Variants in FBXL20 observed in about 807,000 individuals in gnomAD.
The protein encoded by FBXL20 is F-box and leucine rich repeat protein 20.
Under a neutral mutation model 64.0 loss-of-function variants are expected in FBXL20, and 11 were observed. That is an observed-to-expected ratio of 0.17 (90% CI 0.11 to 0.28). The LOEUF (loss-of-function observed/expected upper bound fraction) is 0.28. Ranked by LOEUF, FBXL20 falls within the 10% of genes least tolerant of loss-of-function variation. FBXL20 has a pLI of 1.00. For synonymous variants in FBXL20, 184 were observed against 189.0 expected (o/e 0.97, Z 0.22); for missense variants, 303 against 526.2 (o/e 0.58, Z 4.15).
At chr17:39,280,903 A>G (rs1400438242) in intron 9 of FBXL20, among the ~76,000 whole-genome samples, 1 of 152,088 alleles carries the variant, frequency 6.6e-6, no homozygotes, top group African/African-American at 2.4e-5. Context: ...AGCTGGGACT[A>G]CAGGCACACA....
intron 2 of FBXL20, 27 bp downstream of exon 2, chr17:39,343,153 A>G: frequency 6.4e-7 from 1 of 1,552,586 alleles, no homozygotes; most frequent in Non-Finnish European, 8.7e-7. Flanking sequence ...ACATAAAAAA[A>G]CCCATAAAAT....
intron 4 of FBXL20, among the ~76,000 whole-genome samples, chr17:39,300,060 G>A (rs917050243): frequency 2.6e-5 from 4 of 152,202 alleles, no homozygotes; most frequent in African/African-American, 9.6e-5. Context: ...CCGCACCACT[G>A]CACTCCAGCC....
In FBXL20 at chr17:39,303,196, C is replaced by A. The variant is rs138111701; in HGVS notation, c.159+389G>T. Among the ~76,000 whole-genome samples, 781 of 151,700 alleles carry A rather than the reference C, an allele frequency of 5.1e-3. 1 individual carries two copies. Among genetic ancestry groups the A allele is most frequent in the Non-Finnish European group, 7.7e-3 (523 of 67,924 alleles). On this transcript the variant is annotated intron_variant, in intron 3 of 14. Transcript: ENST00000264658. Reference sequence around the variant, plus strand: ...AAATGCAGTTTCAATCCATAGATAGCCAGCAGTGGATGTTACTACAGGAAA... The same window carrying A: ...AAATGCAGTTTCAATCCATAGATAGACAGCAGTGGATGTTACTACAGGAAA...
At chr17:39,318,068 G>T (rs953723644) in intron 2 of FBXL20, among the ~76,000 whole-genome samples, 2 of 152,152 alleles carry the variant, frequency 1.3e-5, no homozygotes, top group Non-Finnish European at 2.9e-5. Flanking sequence ...CATATTTGAA[G>T]AATGTAAAAT....
chr17:39,387,015 A>C (rs1409557693), intron 1 of FBXL20, among the ~76,000 whole-genome samples: 1 of 152,232 alleles, frequency 6.6e-6, no homozygotes, highest in Non-Finnish European at 1.5e-5. Flanking sequence ...TCCCTGACTT[A>C]CGATGGTTTA....
chr17:39,265,153 G>T (rs376980393), intron 13 of FBXL20, among the ~76,000 whole-genome samples: 77 of 152,324 alleles, frequency 5.1e-4, no homozygotes, highest in African/African-American at 1.8e-3. Context: ...CTACAAAAGA[G>T]AACTCATATG....
chr17:39,358,420 T>C (rs903942348), intron 1 of FBXL20, among the ~76,000 whole-genome samples: 1 of 152,218 alleles, frequency 6.6e-6, no homozygotes. Context: ...CAGTGGCTCA[T>C]GCCTGTAATC....
Position 39,324,320 on chromosome 17 carries a change from A to G in FBXL20, c.104+18860T>C, listed in dbSNP as rs77014370. Among the ~76,000 whole-genome samples the G allele has an allele frequency of 1.3e-5, 2 of 148,534 alleles. 1 individual carries two copies. The highest frequency in any genetic ancestry group is 5.2e-5 in the African/African-American group (2 of 38,406). On this transcript the variant is annotated intron_variant, in intron 2 of 14. Coordinates refer to ENST00000264658, the MANE Select transcript of FBXL20 (RefSeq NM_032875.3). Reference sequence around the variant, plus strand: ...TCTTTTTTTTTTAGACAAGAGTCTCACACTGTCACCTAGGCTGGAGTGCAG... The same window carrying G: ...TCTTTTTTTTTTAGACAAGAGTCTCGCACTGTCACCTAGGCTGGAGTGCAG...
chr17:39,316,321 T>C (rs1567876677), intron 2 of FBXL20, among the ~76,000 whole-genome samples: 2 of 152,050 alleles, frequency 1.3e-5, no homozygotes, highest in Non-Finnish European at 2.9e-5. Context: ...ACACATTTTT[T>C]TCTTTCCCCC....
intron 1 of FBXL20, among the ~76,000 whole-genome samples, chr17:39,360,601 C>A (rs890641535): frequency 2.0e-5 from 3 of 152,234 alleles, no homozygotes; most frequent in South Asian, 2.1e-4. Flanking sequence ...CAGAGTGAGG[C>A]ATGATGAATA....
At chr17:39,386,548 C>G (rs755651617) in intron 1 of FBXL20, among the ~76,000 whole-genome samples, 1 of 150,064 alleles carries the variant, frequency 6.7e-6, no homozygotes, top group Non-Finnish European at 1.5e-5. Context: ...CGCTTGAACC[C>G]GGGAGGCGGA....
rs561800710 is a variant in FBXL20 at position 39,257,094 on chromosome 17, C to T, written c.*4366G>A. On this transcript the variant is annotated 3_prime_UTR_variant, in exon 15 of 15. Coordinates refer to ENST00000264658, the MANE Select transcript of FBXL20 (RefSeq NM_032875.3). ...CCACCTCCCGGGTTCAAGCAATTCT[C>T]TGCCTCAGCCTCCCGAGTAGCTGGG... 6.6e-6 allele frequency: 1 copy of T among 152,230 alleles called. No homozygotes were observed. Among genetic ancestry groups the T allele is most frequent in the Admixed American group, 6.5e-5 (1 of 15,270 alleles). 9.4% of individuals were successfully genotyped at this position (152,230 alleles called of 1,614,324 possible).
intron 2 of FBXL20, among the ~76,000 whole-genome samples, chr17:39,318,377 G>T (rs76327235): frequency 1.3e-3 from 197 of 152,206 alleles, no homozygotes; most frequent in Non-Finnish European, 2.4e-3. Context: ...CCAAGTCCTT[G>T]GAAAGCCCTT....
chr17:39,288,476 CT>C (rs569061989), intron 6 of FBXL20, among the ~76,000 whole-genome samples: 78 of 152,070 alleles, frequency 5.1e-4, no homozygotes, highest in Non-Finnish European at 8.2e-4. Flanking sequence ...CATTTTCTTT[CT>C]TTTCTATCTT....
chr17:39,321,780 C>CAA lies in FBXL20; in HGVS notation c.105-18143_105-18142dup, dbSNP rs540775014. On this transcript the variant is annotated intron_variant, in intron 2 of 14. Coordinates refer to ENST00000264658, the MANE Select transcript of FBXL20 (RefSeq NM_032875.3). ...GGGCAACAAGAGTGAAATTCTGTCTCAAAAAAAAAAAAAAAAACAAAAATA... is the reference window on the plus strand; with the variant it reads ...GGGCAACAAGAGTGAAATTCTGTCTCAAAAAAAAAAAAAAAAAAACAAAAATA... Among the ~76,000 whole-genome samples, 45 of 83,508 alleles carry CAA rather than the reference C, an allele frequency of 5.4e-4. 1 individual carries two copies. Among genetic ancestry groups the CAA allele is most frequent in the Non-Finnish European group, 1.2e-3 (42 of 35,950 alleles). 54.8% of individuals were successfully genotyped at this position (83,508 alleles called of 152,430 possible). A position where few individuals can be genotyped will look rare whatever the true frequency, so the allele number is the denominator to read the frequency against.
chr17:39,370,610 C>T (rs1482795152), intron 1 of FBXL20, among the ~76,000 whole-genome samples: 1 of 149,998 alleles, frequency 6.7e-6, no homozygotes, highest in Non-Finnish European at 1.5e-5. Flanking sequence ...CACGGTGAAA[C>T]CCCGTCTCTA....
rs1375512666 is a variant in FBXL20 at position 39,261,429 on chromosome 17, C to T, written c.*31G>A. 1 of 1,543,600 alleles carries T rather than the reference C, an allele frequency of 6.5e-7. No individual in the cohort carries two copies. The highest frequency in any genetic ancestry group is 9.0e-7 in the Non-Finnish European group (1 of 1,116,276). ...GTAGCTCTAGAAGTGTCATTAAATA[C>T]TCAGTTCGCCAAGGTTGACCACCTC... On this transcript the variant is annotated 3_prime_UTR_variant, in exon 15 of 15. Coordinates refer to ENST00000264658, the MANE Select transcript of FBXL20 (RefSeq NM_032875.3).
At chr17:39,276,289 T>TAAAGAAAGG (rs905039137) in intron 9 of FBXL20, among the ~76,000 whole-genome samples, 4 of 60,308 alleles carry the variant, frequency 6.6e-5, no homozygotes, top group African/African-American at 2.7e-4. Context: ...AAAGAAGGAA[T>TAAAGAAAGG]AAAGAAAGGA....
intron 12 of FBXL20, among the ~76,000 whole-genome samples, chr17:39,266,198 A>G (rs1387895727): frequency 2.0e-5 from 3 of 146,350 alleles, no homozygotes; most frequent in Non-Finnish European, 3.0e-5. Flanking sequence ...CCTCCCGAGT[A>G]GCTGGGATTA....
Sources: gnomAD v4.1 joint callset for allele counts (sites outside exome capture counted in the v4.1 genomes callset) on GRCh38, gnomAD v4.1.1 for gene constraint, MANE v1.5 for transcripts, NCBI Gene and HGNC (gene_info 2026-07-23, HGNC 2026-07-21) for gene names.